Variants in CCDC178 observed in about 807,000 individuals in gnomAD.
The protein encoded by CCDC178 is coiled-coil domain-containing protein 178.
CCDC178 carries 126 observed loss-of-function variants against 117.4 expected under a neutral mutation model. The ratio of observed to expected loss-of-function variants is 1.07; its 90% CI spans 0.93 to 1.24. The LOEUF (loss-of-function observed/expected upper bound fraction) is 1.24. Ranked by LOEUF, CCDC178 falls within the 50% of genes most tolerant of loss-of-function variation. The pLI is 0.00. For missense variants in CCDC178, 1,030 were observed against 986.9 expected, an observed-to-expected ratio of 1.04 and a Z score of -0.59; for synonymous variants, 283 against 313.4, an observed-to-expected ratio of 0.90 and a Z score of 1.02.
intron 20 of CCDC178, among the ~76,000 whole-genome samples, chr18:33,102,829 A>G (rs979308268): frequency 6.6e-6 from 1 of 151,870 alleles, no homozygotes; most frequent in Non-Finnish European, 1.5e-5. Flanking sequence ...ATGGCTCTCC[A>G]GCCAAATCCA....
intron 5 of CCDC178, among the ~76,000 whole-genome samples, chr18:33,379,096 C>CAT (rs2063400393): frequency 1.2e-5 from 1 of 82,842 alleles, no homozygotes; most frequent in African/African-American, 5.0e-5. Context: ...ATTTCTTTGC[C>CAT]GTATATATAT....
At chr18:33,271,017 G>A (rs2059881712) in intron 12 of CCDC178, among the ~76,000 whole-genome samples, 1 of 151,362 alleles carries the variant, frequency 6.6e-6, no homozygotes, top group Non-Finnish European at 1.5e-5. Flanking sequence ...GTATACTATT[G>A]AAATTGTTAG....
At chr18:33,118,982 C>T (rs892812176) in intron 20 of CCDC178, among the ~76,000 whole-genome samples, 1 of 152,190 alleles carries the variant, frequency 6.6e-6, no homozygotes, top group African/African-American at 2.4e-5. Context: ...ACTGGCTAGC[C>T]ATATGTAGAA....
intron 18 of CCDC178, among the ~76,000 whole-genome samples, chr18:33,221,123 G>A (rs538508714): frequency 2.6e-5 from 4 of 151,940 alleles, no homozygotes; most frequent in South Asian, 2.1e-4. Flanking sequence ...ACAGCCTCGC[G>A]CACTCTCAGT....
intron 9 of CCDC178, among the ~76,000 whole-genome samples, chr18:33,337,981 T>C (rs1464566555): frequency 2.0e-5 from 3 of 151,470 alleles, no homozygotes; most frequent in African/African-American, 7.3e-5. Flanking sequence ...ACCCACAGAG[T>C]GGGAGAAAAT....
intron 11 of CCDC178, among the ~76,000 whole-genome samples, chr18:33,296,178 C>G (rs1429640857): frequency 1.3e-5 from 2 of 151,740 alleles, no homozygotes; most frequent in Non-Finnish European, 2.9e-5. Flanking sequence ...AAAAAAAGCC[C>G]AAATCAAAAG....
chr18:33,037,093 C>A (rs2056458892), intron 21 of CCDC178, among the ~76,000 whole-genome samples: 1 of 151,794 alleles, frequency 6.6e-6, no homozygotes, highest in African/African-American at 2.4e-5. Context: ...ATAAATAGCA[C>A]CTTAATCCAC....
chr18:33,334,003 C>G (rs531617299), intron 9 of CCDC178, among the ~76,000 whole-genome samples: 9 of 151,838 alleles, frequency 5.9e-5, no homozygotes, highest in Non-Finnish European at 1.2e-4. Flanking sequence ...AGTGAGAACT[C>G]CAAGAGTAGA....
intron 21 of CCDC178, among the ~76,000 whole-genome samples, chr18:33,034,942 T>C (rs919893169): frequency 1.3e-5 from 2 of 152,042 alleles, no homozygotes; most frequent in Non-Finnish European, 2.9e-5. Flanking sequence ...TTGTTTTATG[T>C]ACATTAATAT....
intron 10 of CCDC178, among the ~76,000 whole-genome samples, chr18:33,324,908 G>A (rs2062564401): frequency 6.6e-6 from 1 of 151,732 alleles, no homozygotes; most frequent in Non-Finnish European, 1.5e-5. Context: ...CTTTATTTGT[G>A]CTAGTAAAAG....
chr18:33,286,647 AC>A (rs1448133908), intron 12 of CCDC178, among the ~76,000 whole-genome samples: 15 of 152,288 alleles, frequency 9.8e-5, no homozygotes, highest in African/African-American at 3.6e-4. Context: ...TCTATGAAAA[AC>A]AATATTCAAA....
chr18:33,426,261 T>C (rs2144951613), intron 2 of CCDC178, among the ~76,000 whole-genome samples: 1 of 152,350 alleles, frequency 6.6e-6, no homozygotes, highest in African/African-American at 2.4e-5. Context: ...GCTTGATTTA[T>C]TTCATTTCAG....
intron 4 of CCDC178, among the ~76,000 whole-genome samples, chr18:33,391,784 T>C (rs946050681): frequency 1.3e-5 from 2 of 151,840 alleles, no homozygotes; most frequent in African/African-American, 2.4e-5. Context: ...TAATTGTAAA[T>C]AAATACCATT....
intron 9 of CCDC178, among the ~76,000 whole-genome samples, chr18:33,342,644 G>T (rs898887633): frequency 1.6e-4 from 24 of 152,164 alleles, no homozygotes; most frequent in Non-Finnish European, 3.2e-4. Context: ...TAGCCAAAGA[G>T]GATGAGAGAG....
At chr18:33,382,302 G>C (rs1332616944) in intron 5 of CCDC178, among the ~76,000 whole-genome samples, 1 of 152,156 alleles carries the variant, frequency 6.6e-6, no homozygotes, top group Non-Finnish European at 1.5e-5. Flanking sequence ...TTGAGTGTTA[G>C]AAACACTTTC....
intron 19 of CCDC178, among the ~76,000 whole-genome samples, chr18:33,213,496 C>T (rs1160942928): frequency 2.6e-5 from 4 of 151,894 alleles, no homozygotes; most frequent in Admixed American, 6.6e-5. Context: ...GAAATTCACA[C>T]AGGAAGGAGC....
chr18:33,056,017 G>A (rs1352528017), intron 21 of CCDC178, among the ~76,000 whole-genome samples: 2 of 152,080 alleles, frequency 1.3e-5, no homozygotes, highest in East Asian at 1.9e-4. Flanking sequence ...TGACCAGGCT[G>A]GTCTCAAACT....
At position 33,324,000 on chromosome 18, in the gene CCDC178, T is replaced by A. The variant is rs539512018; in HGVS notation, c.880-367A>T. Reference sequence around the variant, plus strand: ...TCCTCTCCACTAAGAAAAACCATTATTCTTAGGTTGGTGCAAAAGTAATTG... The same window carrying A: ...TCCTCTCCACTAAGAAAAACCATTAATCTTAGGTTGGTGCAAAAGTAATTG... On this transcript the variant is annotated intron_variant, in intron 10 of 22. Transcript: ENST00000383096. Among the ~76,000 whole-genome samples, 30 of 152,014 alleles carry A rather than the reference T, an allele frequency of 2.0e-4. 1 individual carries two copies. In the South Asian group the frequency reaches 6.2e-3, roughly 31 times the overall value.
At position 33,343,987 on chromosome 18, in the gene CCDC178, T is replaced by C. The variant is rs1008220447; in HGVS notation, c.658+2224A>G. Among the ~76,000 whole-genome samples, 6 of 152,236 alleles carry C rather than the reference T, an allele frequency of 3.9e-5. No individual in the cohort carries two copies. In the South Asian group the frequency reaches 6.2e-4, roughly 16 times the overall value. On this transcript the variant is annotated intron_variant, in intron 9 of 22. Coordinates refer to ENST00000383096, the MANE Select transcript of CCDC178 (RefSeq NM_001105528.4). ...GAGAACACATTACCTGAAAGGAATA[T>C]GTTTCAAAGAGAAAGCTATTAACTT... is the stretch of plus-strand genomic sequence containing the variant.
Sources: gnomAD v4.1 joint callset for allele counts (sites outside exome capture counted in the v4.1 genomes callset) on GRCh38, gnomAD v4.1.1 for gene constraint, MANE v1.5 for transcripts, NCBI Gene and HGNC (gene_info 2026-07-23, HGNC 2026-07-21) for gene names.